C10orf143: variants seen among roughly 807,000 people sequenced by gnomAD.
C10orf143 encodes the protein uncharacterized protein C10orf143.
chr10:130,085,528 G>A (rs535669242), intron 1 of C10orf143, among the ~76,000 whole-genome samples: 1 of 152,292 alleles, frequency 6.6e-6, no homozygotes, highest in Admixed American at 6.5e-5. Context: ...TGGAAGAGAG[G>A]AAGGAAACAC....
chr10:130,072,614 T>G (rs1287603751), intron 3 of C10orf143, among the ~76,000 whole-genome samples: 1 of 152,220 alleles, frequency 6.6e-6, no homozygotes, highest in African/African-American at 2.4e-5. Flanking sequence ...TCAAACTGTC[T>G]TCCTTTCTTA....
At chr10:130,070,293 G>A (rs569006729) in intron 3 of C10orf143, among the ~76,000 whole-genome samples, 6 of 152,272 alleles carry the variant, frequency 3.9e-5, no homozygotes, top group Middle Eastern at 6.8e-3. Context: ...CTGGGGTGGG[G>A]AGAGGAACCC....
chr10:130,109,249 C>T (rs1450053674), intron 1 of C10orf143, among the ~76,000 whole-genome samples: 2 of 152,216 alleles, frequency 1.3e-5, no homozygotes, highest in Non-Finnish European at 2.9e-5. Context: ...AAGGTCTCAA[C>T]ACATCAGCAT....
rs140966564 is a variant in C10orf143 at position 130,069,907 on chromosome 10, G to A, written c.298-5524C>T. On this transcript the variant is annotated intron_variant, in intron 3 of 3. Transcript: ENST00000637128. ...TGCCAGCTAGGAGCCCTAGCATACC[G>A]AGCAGAAGTGCTAATAGCATCCTCG... Among the ~76,000 whole-genome samples the A allele has an allele frequency of 9.6e-4, 146 of 151,508 alleles. 2 individuals carry two copies. In the East Asian group the frequency reaches 0.017, roughly 18 times the overall value.
chr10:130,107,682 C>A, intron 1 of C10orf143: 1 of 1,288,212 alleles, frequency 7.8e-7, no homozygotes, highest in Non-Finnish European at 1.1e-6. Context: ...CTCAGACTCT[C>A]ACCTTTGCCT....
intron 1 of C10orf143, among the ~76,000 whole-genome samples, chr10:130,105,491 G>A (rs921232507): frequency 8.5e-5 from 13 of 152,168 alleles, no homozygotes; most frequent in African/African-American, 3.1e-4. Flanking sequence ...AGCACTTTGG[G>A]AGGCTGAGGC....
rs1385965568 is a variant in C10orf143 at position 130,074,567 on chromosome 10, C to T, written c.297+4999G>A. The stretch of plus-strand genomic sequence containing the variant: ...CCGTCCCCAGCTTGACACTCGGACC[C>T]GCCCTAGCAAGCACAGGCAGTGTTC... On this transcript the variant is annotated intron_variant, in intron 3 of 3. Transcript: ENST00000637128. 2.0e-5 allele frequency among the ~76,000 whole-genome samples: 3 copies of T among 152,100 alleles called. No homozygotes were observed. In the East Asian group the frequency reaches 5.8e-4, roughly 29 times the overall value.
chr10:130,075,337 C>T (rs1335416459), intron 3 of C10orf143, among the ~76,000 whole-genome samples: 1 of 152,152 alleles, frequency 6.6e-6, no homozygotes, highest in Admixed American at 6.5e-5. Flanking sequence ...TCTCGGGACT[C>T]ATGTGGCTTA....
chr10:130,041,431 T>G (rs1860605738), intron 3 of C10orf143, among the ~76,000 whole-genome samples: 1 of 152,234 alleles, frequency 6.6e-6, no homozygotes, highest in Admixed American at 6.5e-5. Flanking sequence ...GCCAAATTTC[T>G]TCCACAATGA....
intron 3 of C10orf143, among the ~76,000 whole-genome samples, chr10:130,057,754 C>T (rs1860811832): frequency 2.6e-5 from 4 of 152,136 alleles, no homozygotes; most frequent in Admixed American, 1.3e-4. Flanking sequence ...CAAGAGCACG[C>T]GGTAAAAGTG....
chr10:130,110,013 C>A (rs1484536302), intron 1 of C10orf143, among the ~76,000 whole-genome samples: 2 of 151,110 alleles, frequency 1.3e-5, no homozygotes, highest in Non-Finnish European at 3.0e-5. Flanking sequence ...TCCAATCCTG[C>A]AGTACTTCTT....
chr10:130,063,647 C>T (rs1278592176), downstream of C10orf143, among the ~76,000 whole-genome samples: 2 of 152,186 alleles, frequency 1.3e-5, no homozygotes, highest in Admixed American at 6.5e-5. Flanking sequence ...GTGCCGAGGA[C>T]ACTCCCTGGA....
chr10:130,075,929 T>A (rs566890145), intron 3 of C10orf143, among the ~76,000 whole-genome samples: 1 of 152,156 alleles, frequency 6.6e-6, no homozygotes, highest in African/African-American at 2.4e-5. Context: ...CTTTTCTTTA[T>A]AAATTATCCA....
At chr10:130,099,136 G>C (rs1861507925) in intron 1 of C10orf143, among the ~76,000 whole-genome samples, 1 of 151,828 alleles carries the variant, frequency 6.6e-6, no homozygotes, top group Admixed American at 6.6e-5. Flanking sequence ...ATAACTGGCA[G>C]GGTGAACACC....
At chr10:130,045,975 C>G (rs1318714819) in intron 3 of C10orf143, among the ~76,000 whole-genome samples, 1 of 151,910 alleles carries the variant, frequency 6.6e-6, no homozygotes, top group East Asian at 1.9e-4. Flanking sequence ...GGACTGAGAC[C>G]AGGGTGGGGC....
downstream of C10orf143, among the ~76,000 whole-genome samples, chr10:130,060,824 A>G (rs1297407450): frequency 3.5e-4 from 2 of 5,684 alleles, no homozygotes; most frequent in Non-Finnish European, 9.0e-4. Context: ...CTCCGTCTCA[A>G]AAAAAAAAAA....
At chr10:130,094,358 CCT>C (rs1861431035) in intron 1 of C10orf143, among the ~76,000 whole-genome samples, 1 of 152,158 alleles carries the variant, frequency 6.6e-6, no homozygotes, top group African/African-American at 2.4e-5. Context: ...AAGAGGGACT[CCT>C]CTCTAACTCA....
In C10orf143 at chr10:130,056,450, G is replaced by T. The variant is rs1860796433; in HGVS notation, c.298-20480C>A. Among the ~76,000 whole-genome samples, 1 of 152,180 alleles carries T rather than the reference G, an allele frequency of 6.6e-6. No homozygotes were observed. The highest frequency in any genetic ancestry group is 2.4e-5 in the African/African-American group (1 of 41,450). On this transcript the variant is annotated intron_variant and NMD_transcript_variant, in intron 3 of 5. Coordinates refer to the C10orf143 transcript ENST00000643056. This position sits in a 1 kb window ranked among gnomAD's most constrained non-coding sequence, Gnocchi z 4.6. Reference sequence around the variant, plus strand: ...TGAATACCCCAGGACCTTCATGTGGGTGACTGAGAACTCATACTTGGCTGG... The same window carrying T: ...TGAATACCCCAGGACCTTCATGTGGTTGACTGAGAACTCATACTTGGCTGG...
Position 130,079,869 on chromosome 10 carries a change from C to A in C10orf143, c.102G>T (p.Gly34=), listed in dbSNP as rs1004491958. The change falls in exon 2 of 4, where the codon GGG becomes GGT. Residue 34 remains glycine (G), a synonymous_variant. Transcript: ENST00000637128. ...KRVCRRLEAS[G]HERGCHQVNA... ...TCACCTGGTGGCAGCCACGCTCATG[C>A]CCACTGGCTTCTAATCTCCTGCATA... 17 of 398,516 alleles carry A rather than the reference C, an allele frequency of 4.3e-5. No individual in the cohort carries two copies. The highest frequency in any genetic ancestry group is 8.8e-5 in the Admixed American group (2 of 22,716). The allele number at this position is 398,516 out of a possible 1,614,324, so 24.7% of individuals were successfully genotyped here.
Sources: gnomAD v4.1 joint callset for allele counts (sites outside exome capture counted in the v4.1 genomes callset) on GRCh38, gnomAD v4.1.1 for gene constraint, Gnocchi (gnomAD v3.1) non-coding constraint, MANE v1.5 for transcripts, NCBI Gene and HGNC (gene_info 2026-07-23, HGNC 2026-07-21) for gene names.